The following SPAG16 variants were observed in gnomAD, a reference collection of about 807,000 sequenced individuals.
SPAG16 encodes the protein sperm-associated antigen 16 protein.
A neutral mutation model predicts 80.4 loss-of-function variants in SPAG16; 86 were observed. The observed-to-expected ratio is 1.07, with a 90% confidence interval of 0.90 to 1.28. The LOEUF (loss-of-function observed/expected upper bound fraction) is 1.28, where lower values mean the gene tolerates loss of function less well. Ranked by LOEUF, SPAG16 falls within the 50% of genes most tolerant of loss-of-function variation. SPAG16 has a pLI of 0.00. For missense variants in SPAG16, 870 were observed against 765.3 expected (o/e 1.14, Z -1.61); for synonymous variants, 294 against 265.9 (o/e 1.11, Z -1.03).
chr2:214,006,571 T>C (rs2047034761), intron 12 of SPAG16, among the ~76,000 whole-genome samples: 1 of 152,196 alleles, frequency 6.6e-6, no homozygotes, highest in Non-Finnish European at 1.5e-5. Context: ...GTGAACTTCT[T>C]CCTAAAAAAT....
intron 12 of SPAG16, among the ~76,000 whole-genome samples, chr2:213,993,613 T>C (rs1420956928): frequency 2.0e-5 from 3 of 152,216 alleles, no homozygotes; most frequent in Non-Finnish European, 4.4e-5. Context: ...AATATCCATA[T>C]AGCTTTTTAA....
chr2:213,505,339 T>A (rs2074926225), intron 10 of SPAG16, among the ~76,000 whole-genome samples: 1 of 152,194 alleles, frequency 6.6e-6, no homozygotes. Context: ...TTTTCTTTTT[T>A]AAATTATTTG....
At chr2:214,013,688 G>T (rs546812063) in intron 12 of SPAG16, among the ~76,000 whole-genome samples, 41 of 152,240 alleles carry the variant, frequency 2.7e-4, no homozygotes, top group Non-Finnish European at 5.3e-4. Context: ...TCATGGTAAA[G>T]TATAAATGAG....
intron 11 of SPAG16, among the ~76,000 whole-genome samples, chr2:213,914,663 A>T (rs2077863816): frequency 6.6e-6 from 1 of 152,082 alleles, no homozygotes. Flanking sequence ...TTCTTCTCTT[A>T]TGTATGTTAT....
chr2:213,590,118 C>A (rs1339387981), intron 10 of SPAG16, among the ~76,000 whole-genome samples: 1 of 151,926 alleles, frequency 6.6e-6, no homozygotes, highest in Non-Finnish European at 1.5e-5. Context: ...AAGCTCAGAG[C>A]GTTTGCTATG....
At chr2:213,335,670 T>C (rs1431176816) in intron 5 of SPAG16, among the ~76,000 whole-genome samples, 2 of 152,212 alleles carry the variant, frequency 1.3e-5, no homozygotes, top group African/African-American at 4.8e-5. Flanking sequence ...CAGATGATTT[T>C]TCAAGACTGA....
chr2:213,607,704 A>C (rs903774411), intron 10 of SPAG16, among the ~76,000 whole-genome samples: 1 of 152,250 alleles, frequency 6.6e-6, no homozygotes. Flanking sequence ...TCTTCACTGC[A>C]TGATTTCCAC....
chr2:214,301,117 G>T (rs1257088213), intron 15 of SPAG16, among the ~76,000 whole-genome samples: 1 of 150,070 alleles, frequency 6.7e-6, no homozygotes, highest in South Asian at 2.1e-4. Flanking sequence ...AATATATCAT[G>T]ATCACACGGG....
rs73075052 is a variant in SPAG16, at chr2:214,056,676, T to C, written c.1527+42599T>C. 6.7e-3 allele frequency among the ~76,000 whole-genome samples: 1,017 copies of C among 152,212 alleles called. 8 individuals are homozygous for C. The highest frequency in any genetic ancestry group is 0.024 in the African/African-American group (978 of 41,552). On this transcript the variant is annotated intron_variant, in intron 13 of 15. Coordinates refer to ENST00000331683, the MANE Select transcript of SPAG16 (RefSeq NM_024532.5). Reference sequence around the variant, plus strand: ...GGGTGGCTGTGGCAATTTTTAAAAATAAGACAATAAAGTTTGCCACATAGA... The same window carrying C: ...GGGTGGCTGTGGCAATTTTTAAAAACAAGACAATAAAGTTTGCCACATAGA...
At chr2:213,430,335 A>C (rs2070212159) in intron 9 of SPAG16, among the ~76,000 whole-genome samples, 1 of 152,198 alleles carries the variant, frequency 6.6e-6, no homozygotes. Context: ...GCCTTTGAGA[A>C]GTACAGGATT....
At chr2:213,946,969 C>CT (rs796131283) in intron 12 of SPAG16, among the ~76,000 whole-genome samples, 271 of 151,016 alleles carry the variant, frequency 1.8e-3, no homozygotes, top group African/African-American at 6.3e-3. Context: ...CTGAAGTTTG[C>CT]TTTTTTTTTC....
Position 214,355,850 on chromosome 2 carries a change from A to G in SPAG16, c.1721-54290A>G, listed in dbSNP as rs567205461. Among the ~76,000 whole-genome samples the G allele has an allele frequency of 5.4e-3, 820 of 151,748 alleles. 9 individuals carry two copies. Among genetic ancestry groups the G allele is most frequent in the African/African-American group, 0.019 (792 of 41,412 alleles). On this transcript the variant is annotated intron_variant, in intron 15 of 15. Transcript: ENST00000331683. ...ATGGAATACTATGCAGCCATAAAAA[A>G]TGATGAGTTCATGTCCTTTGTAGGG...
intron 13 of SPAG16, among the ~76,000 whole-genome samples, chr2:214,038,375 T>A (rs2048821133): frequency 6.6e-6 from 1 of 152,182 alleles, no homozygotes; most frequent in Non-Finnish European, 1.5e-5. Context: ...TCAGTTCTGT[T>A]ATTTCTACTT....
At chr2:213,858,650 T>C (rs2075279977) in intron 10 of SPAG16, among the ~76,000 whole-genome samples, 1 of 152,208 alleles carries the variant, frequency 6.6e-6, no homozygotes, top group Non-Finnish European at 1.5e-5. Flanking sequence ...GCCTGTATTA[T>C]AGCCATTGAA....
intron 15 of SPAG16, among the ~76,000 whole-genome samples, chr2:214,378,508 A>C (rs1700261396): frequency 6.6e-6 from 1 of 152,154 alleles, no homozygotes; most frequent in African/African-American, 2.4e-5. Context: ...AAGTTTGGGA[A>C]GGCTGCCAGT....
At chr2:213,521,170 G>A (rs1414085597) in intron 10 of SPAG16, among the ~76,000 whole-genome samples, 1 of 152,194 alleles carries the variant, frequency 6.6e-6, no homozygotes, top group East Asian at 1.9e-4. Flanking sequence ...CTGGTTCCAG[G>A]AAGGTGGCCT....
chr2:213,728,184 A>G (rs2066860463), intron 10 of SPAG16, among the ~76,000 whole-genome samples: 4 of 152,148 alleles, frequency 2.6e-5, no homozygotes, highest in Admixed American at 2.0e-4. Flanking sequence ...GCTTAATGCA[A>G]TAATCATTTT....
chr2:213,399,766 T>C (rs913314075), intron 9 of SPAG16, among the ~76,000 whole-genome samples: 4 of 152,014 alleles, frequency 2.6e-5, no homozygotes, highest in Non-Finnish European at 4.4e-5. Context: ...GTAAAACTAA[T>C]TGGAACTGTT....
At chr2:214,094,027 G>C (rs1438029395) in intron 13 of SPAG16, among the ~76,000 whole-genome samples, 1 of 152,100 alleles carries the variant, frequency 6.6e-6, no homozygotes, top group Non-Finnish European at 1.5e-5. Flanking sequence ...GGGAGCTTAT[G>C]AGAAATTCAG....
Sources: allele counts gnomAD v4.1 joint callset (sites outside exome capture counted in the v4.1 genomes callset), GRCh38; gene constraint gnomAD v4.1.1; transcripts MANE v1.5; gene names NCBI Gene and HGNC (gene_info 2026-07-23, HGNC 2026-07-21).